The following PDE4C variants were observed in gnomAD, a reference collection of about 807,000 sequenced individuals.
PDE4C encodes 3',5'-cyclic-AMP phosphodiesterase 4C.
Under a neutral mutation model 63.9 loss-of-function variants are expected in PDE4C, and 50 were observed. That is an observed-to-expected ratio of 0.78 (90% confidence interval 0.62 to 0.99). PDE4C has a LOEUF of 0.99. Among genes scored for constraint, PDE4C ranks in the 50% least tolerant of loss-of-function variants. The pLI is 0.00. For synonymous variants in PDE4C, 377 were observed against 385.1 expected, an observed-to-expected ratio of 0.98 and a Z score of 0.25; for missense variants, 777 against 899.1, an observed-to-expected ratio of 0.86 and a Z score of 1.74.
intron 1 of PDE4C, among the ~76,000 whole-genome samples, chr19:18,247,227 A>G (rs1231396988): frequency 2.6e-5 from 4 of 152,076 alleles, no homozygotes; most frequent in Admixed American, 2.0e-4. Context: ...CAGGTCCCCA[A>G]TTCCCTGGTG....
At chr19:18,222,606 ATTTCT>A (rs141550049) in intron 1 of PDE4C, among the ~76,000 whole-genome samples, 40,991 of 120,722 alleles carry the variant, frequency 0.34, 6,392 homozygotes, top group Non-Finnish European at 0.38. Flanking sequence ...CAATCACCCT[ATTTCT>A]TTTATTTTTT....
Position 18,218,936 on chromosome 19 carries a change from G to A in PDE4C, c.969+4C>T. 1.2e-6 allele frequency: 2 copies of A among 1,608,450 alleles called. No homozygotes were observed. Among genetic ancestry groups the A allele is most frequent in the Non-Finnish European group, 1.7e-6 (2 of 1,174,912 alleles). On this transcript the variant is annotated splice_donor_region_variant and intron_variant, in intron 9 of 14. Transcript: ENST00000262805. Reference sequence around the variant, plus strand: ...TCCTTGGAAGCCAAGGGCAGGGTAGGTACCTGAAAAATGCTGAATATGATA... The same window carrying A: ...TCCTTGGAAGCCAAGGGCAGGGTAGATACCTGAAAAATGCTGAATATGATA...
At chr19:18,210,857 C>CGG in exon 15 of PDE4C, 2 of 1,512,738 alleles carry the variant, frequency 1.3e-6, no homozygotes, top group Non-Finnish European at 1.8e-6. Context: ...GAGCCTCTTC[C>CGG]TGGAAAGTCT....
chr19:18,224,889 C>T (rs1231023245), intron 1 of PDE4C, among the ~76,000 whole-genome samples: 5 of 152,224 alleles, frequency 3.3e-5, no homozygotes, highest in African/African-American at 1.2e-4. Flanking sequence ...GCGGATAACC[C>T]AGATCTGCCC....
intron 13 of PDE4C, 36 bp from the exon 14 acceptor site, chr19:18,211,977 G>T (rs746498060): frequency 1.9e-6 from 3 of 1,600,378 alleles, no homozygotes; most frequent in Non-Finnish European, 2.6e-6. Context: ...CACTGGCGGG[G>T]CCCAGCCACA....
chr19:18,215,946 C>T (rs998311310), intron 12 of PDE4C, among the ~76,000 whole-genome samples: 2 of 151,408 alleles, frequency 1.3e-5, no homozygotes, highest in Non-Finnish European at 2.9e-5. Flanking sequence ...TCTCCTGCCT[C>T]AGCCTCCCAA....
chr19:18,251,705 G>GCC (rs1555698372), upstream of PDE4C, among the ~76,000 whole-genome samples: 4 of 26,378 alleles, frequency 1.5e-4, no homozygotes, highest in Non-Finnish European at 2.4e-4. Flanking sequence ...CCCCGCCCTC[G>GCC]GCCTCCCAAA....
intron 12 of PDE4C, among the ~76,000 whole-genome samples, 183 bp from the exon 13 acceptor site, chr19:18,213,673 G>T (rs770377210): frequency 6.6e-5 from 10 of 152,210 alleles, no homozygotes; most frequent in South Asian, 4.1e-4. Flanking sequence ...GCTCAGTCAG[G>T]GGCCCCTTTT....
chr19:18,255,060 C>T, the PDE4C span, among the ~76,000 whole-genome samples: 2 of 152,214 alleles, frequency 1.3e-5, no homozygotes, highest in Non-Finnish European at 2.9e-5. The surrounding 1 kb of genome is among the most constrained non-coding windows in gnomAD (Gnocchi z 4.6). Flanking sequence ...CTCACAGCTG[C>T]TCCGTTTGTT....
upstream of PDE4C, chr19:18,233,755 T>G (rs1600097960): frequency 9.0e-6 from 3 of 332,558 alleles, no homozygotes; most frequent in Non-Finnish European, 1.2e-5. Context: ...GGGGTTCAGG[T>G]GCACCCCCAG....
At chr19:18,252,765 G>A (rs1382233497), upstream of PDE4C, among the ~76,000 whole-genome samples, 3 of 152,010 alleles carry the variant, frequency 2.0e-5, no homozygotes, top group African/African-American at 4.8e-5. Context: ...TTACAGGCGT[G>A]CATTACCACG....
At position 18,220,848 on chromosome 19, in the gene PDE4C, G is replaced by T. The variant is rs368383605; in HGVS notation, c.499+26C>A. On this transcript the variant is annotated intron_variant, in intron 5 of 14. Transcript: ENST00000262805. The surrounding 1 kb of genome is among the most constrained non-coding windows in gnomAD (Gnocchi z 5.1). ...AGGAAGCTCCCAGCTGTCCTCAGCG[G>T]GGGAGGGAAGGAACAGGTACTTTAC... 15 of 1,602,366 alleles carry T rather than the reference G, an allele frequency of 9.4e-6. No homozygotes were observed. The highest frequency in any genetic ancestry group is 1.7e-5 in the Admixed American group (1 of 57,918).
At chr19:18,211,767 T>G (rs1183425571) in exon 14 of PDE4C, 10 of 1,614,020 alleles carry the variant, frequency 6.2e-6, no homozygotes, top group Non-Finnish European at 7.6e-6. Context: ...ACCTGGGACT[T>G]CTCCACTGAG....
exon 9 of PDE4C, chr19:18,218,970 G>A: frequency 6.2e-7 from 1 of 1,613,668 alleles, no homozygotes; most frequent in Non-Finnish European, 8.5e-7. Flanking sequence ...TAGCTGTGAG[G>A]GGCCGGTTCC....
At chr19:18,239,108 A>G (rs1034176565) in intron 1 of PDE4C, among the ~76,000 whole-genome samples, 12 of 152,178 alleles carry the variant, frequency 7.9e-5, no homozygotes, top group African/African-American at 2.9e-4. Context: ...CCGTTCCAAT[A>G]GTACATGGAT....
At chr19:18,210,795 A>C in exon 15 of PDE4C, 44 of 1,428,946 alleles carry the variant, frequency 3.1e-5, no homozygotes, top group Non-Finnish European at 4.0e-5. Flanking sequence ...CCTATAACTA[A>C]GAGCTTGATT....
chr19:18,216,940 C>G (rs762444413), intron 11 of PDE4C, 45 bp from the exon 12 acceptor site: 1 of 1,545,070 alleles, frequency 6.5e-7, no homozygotes, highest in Non-Finnish European at 8.7e-7. Flanking sequence ...ACCCGCCCCA[C>G]CCACTCTACC....
intron 1 of PDE4C, among the ~76,000 whole-genome samples, chr19:18,223,577 C>G (rs1268604695): frequency 6.6e-6 from 1 of 152,124 alleles, no homozygotes; most frequent in Non-Finnish European, 1.5e-5. Context: ...AACTCCTGAC[C>G]TCGTGATCTG....
chr19:18,231,125 G>A (rs1968838939), upstream of PDE4C, among the ~76,000 whole-genome samples: 1 of 152,236 alleles, frequency 6.6e-6, no homozygotes, highest in Admixed American at 6.5e-5. Flanking sequence ...CACACAGCAG[G>A]TTGGCCTTGG....
Sources: allele counts gnomAD v4.1 joint callset (sites outside exome capture counted in the v4.1 genomes callset), GRCh38; gene constraint gnomAD v4.1.1; non-coding constraint Gnocchi (gnomAD v3.1); transcripts MANE v1.5; gene names NCBI Gene and HGNC (gene_info 2026-07-23, HGNC 2026-07-21).